PFDN1: variants seen among roughly 807,000 people sequenced by gnomAD.
PFDN1 encodes prefoldin 1.
Under a neutral mutation model 17.3 loss-of-function variants are expected in PFDN1, and 6 were observed. The observed-to-expected ratio is 0.35, with a 90% confidence interval of 0.19 to 0.69. PFDN1 has a LOEUF of 0.69. PFDN1 is among the 30% of genes least tolerant of loss of function. The probability of loss-of-function intolerance (pLI) is 0.65; values close to 1 mark genes in which losing one functional copy is unlikely to be tolerated. For missense variants in PFDN1, 113 were observed against 146.2 expected (o/e 0.77, Z 1.17); for synonymous variants, 58 against 50.1 (o/e 1.16, Z -0.67).
Position 140,254,003 on chromosome 5 carries a change from C to CA in PFDN1, c.286-7947dup, listed in dbSNP as rs1379986432. ...GTGACCCACACTGAAGTTTGAGACT[C>CA]AAACTTTTTGTTCTAAATCAGGAGT... is the stretch of plus-strand genomic sequence containing the variant. On this transcript the variant is annotated intron_variant, in intron 3 of 3. Transcript: ENST00000261813. The surrounding 1 kb of genome is among the most constrained non-coding windows in gnomAD (Gnocchi z 4.4). Among the ~76,000 whole-genome samples, 15 of 152,182 alleles carry CA rather than the reference C, an allele frequency of 9.9e-5. No individual in the cohort carries two copies. Among genetic ancestry groups the CA allele is most frequent in the African/African-American group, 3.6e-4 (15 of 41,446 alleles).
At position 140,245,917 on chromosome 5, in the gene PFDN1, C is replaced by A; in HGVS notation, c.*57G>T. 1.0e-6 allele frequency: 1 copy of A among 971,278 alleles called. No individual in the cohort carries two copies. The highest frequency in any genetic ancestry group is 1.6e-6 in the Non-Finnish European group (1 of 618,578). The allele number at this position is 971,278 out of a possible 1,614,324, so 60.2% of individuals were successfully genotyped here. On this transcript the variant is annotated 3_prime_UTR_variant, in exon 4 of 4. Transcript: ENST00000261813. ...GAGAAGCTGTTTCCCTGCAGACACT[C>A]CTCTGCCCCCACCAGGAATGGGAGG... is the stretch of plus-strand genomic sequence containing the variant.
chr5:140,293,905 T>C (rs1765615550), intron 2 of PFDN1, among the ~76,000 whole-genome samples: 1 of 152,058 alleles, frequency 6.6e-6, no homozygotes, highest in Non-Finnish European at 1.5e-5. Flanking sequence ...GGAAAAGATG[T>C]TGTTGTTTTC....
In PFDN1 at chr5:140,245,035, G is replaced by A. The variant is rs1261703931; in HGVS notation, c.*939C>T. The A allele has an allele frequency of 5.3e-6, 1 of 189,982 alleles. No individual in the cohort carries two copies. Among genetic ancestry groups the A allele is most frequent in the African/African-American group, 2.4e-5 (1 of 42,086 alleles). The allele number at this position is 189,982 out of a possible 1,614,324, so 11.8% of individuals were successfully genotyped here. On this transcript the variant is annotated 3_prime_UTR_variant, in exon 4 of 4. Transcript: ENST00000261813. Reference sequence around the variant, plus strand: ...CCTCACAGATCACAGTCAGTGCACAGATAGAGCACAGATCGTGGTCAAATG... The same window carrying A: ...CCTCACAGATCACAGTCAGTGCACAAATAGAGCACAGATCGTGGTCAAATG...
chr5:140,258,439 TTAAA>T (rs1197699671), intron 3 of PFDN1, among the ~76,000 whole-genome samples: 9 of 97,224 alleles, frequency 9.3e-5, no homozygotes, highest in Non-Finnish European at 1.9e-4. Flanking sequence ...AGCTGTACTG[TTAAA>T]AAAAAAAAAA....
At chr5:140,275,820 A>G (rs1022604565) in intron 3 of PFDN1, among the ~76,000 whole-genome samples, 1 of 152,172 alleles carries the variant, frequency 6.6e-6, no homozygotes, top group South Asian at 2.1e-4. Flanking sequence ...AGGGTGGGGA[A>G]GCATACTCGG....
At chr5:140,263,853 C>G (rs1765098006) in intron 3 of PFDN1, among the ~76,000 whole-genome samples, 1 of 151,466 alleles carries the variant, frequency 6.6e-6, no homozygotes, top group South Asian at 2.1e-4. Flanking sequence ...AACCCCGTCT[C>G]TACTAAAAAT....
intron 2 of PFDN1, among the ~76,000 whole-genome samples, chr5:140,295,941 C>T (rs923397153): frequency 2.6e-5 from 4 of 151,722 alleles, no homozygotes; most frequent in African/African-American, 9.7e-5. Flanking sequence ...ATAAAATAGC[C>T]TTTATTCTCT....
chr5:140,250,756 A>G (rs1442258884), intron 3 of PFDN1, among the ~76,000 whole-genome samples: 2 of 152,256 alleles, frequency 1.3e-5, no homozygotes, highest in Non-Finnish European at 2.9e-5. Context: ...CAACAGAAGA[A>G]GCAAAGGCAG....
At chr5:140,246,721 A>T (rs904990482) in intron 3 of PFDN1, among the ~76,000 whole-genome samples, 2 of 152,178 alleles carry the variant, frequency 1.3e-5, no homozygotes, top group Admixed American at 6.5e-5. Context: ...AAGAACTTTC[A>T]CTACTTTCAG....
At chr5:140,257,478 GCTGT>G (rs1171814734) in intron 3 of PFDN1, among the ~76,000 whole-genome samples, 1 of 152,160 alleles carries the variant, frequency 6.6e-6, no homozygotes, top group Non-Finnish European at 1.5e-5. Context: ...CTTTTAGGTG[GCTGT>G]CTGCTTCTTT....
At chr5:140,301,116 T>A (rs1765737967) in intron 1 of PFDN1, among the ~76,000 whole-genome samples, 1 of 152,188 alleles carries the variant, frequency 6.6e-6, no homozygotes, top group South Asian at 2.1e-4. Context: ...CCAAATGAGT[T>A]AAGAGATAAA....
chr5:140,255,760 T>A (rs1764976721), intron 3 of PFDN1, among the ~76,000 whole-genome samples: 1 of 152,178 alleles, frequency 6.6e-6, no homozygotes, highest in African/African-American at 2.4e-5. Flanking sequence ...ATCTTCTATT[T>A]CTTACTCTGC....
chr5:140,262,910 AC>A (rs1304081816), intron 3 of PFDN1, among the ~76,000 whole-genome samples: 1 of 152,192 alleles, frequency 6.6e-6, no homozygotes, highest in Non-Finnish European at 1.5e-5. Context: ...TAAAAAAAAA[AC>A]ACCTTTTATC....
intron 2 of PFDN1, chr5:140,293,157 G>A (rs891358523): frequency 1.3e-5 from 2 of 152,036 alleles, no homozygotes; most frequent in Non-Finnish European, 2.9e-5. Flanking sequence ...CAAGACTGCT[G>A]CTACCTTAAT....
intron 2 of PFDN1, among the ~76,000 whole-genome samples, chr5:140,282,690 G>A (rs973614723): frequency 6.6e-6 from 1 of 152,152 alleles, no homozygotes. Context: ...CACTGAAACT[G>A]TTTTATGACT....
At chr5:140,266,713 A>C (rs1765138395) in intron 3 of PFDN1, among the ~76,000 whole-genome samples, 1 of 152,284 alleles carries the variant, frequency 6.6e-6, no homozygotes, top group African/African-American at 2.4e-5. Context: ...ACACCTAAAA[A>C]TTTGCTCCTA....
At chr5:140,296,145 T>C (rs1395673594) in intron 2 of PFDN1, among the ~76,000 whole-genome samples, 2 of 152,328 alleles carry the variant, frequency 1.3e-5, no homozygotes, top group Non-Finnish European at 2.9e-5. Context: ...TCAAAATATA[T>C]GTTACTTTTA....
chr5:140,296,689 G>T (rs1355625549), intron 2 of PFDN1, among the ~76,000 whole-genome samples: 2 of 152,168 alleles, frequency 1.3e-5, no homozygotes, highest in African/African-American at 4.8e-5. Flanking sequence ...GCAAGGGTAG[G>T]ATAACAATTT....
chr5:140,282,352 A>G (rs574107107), intron 2 of PFDN1, among the ~76,000 whole-genome samples: 23 of 151,892 alleles, frequency 1.5e-4, no homozygotes, highest in Admixed American at 1.4e-3. Flanking sequence ...ATCTGTTTCA[A>G]TTTTTATCTA....
Sources: gnomAD v4.1 joint callset for allele counts (sites outside exome capture counted in the v4.1 genomes callset) on GRCh38, gnomAD v4.1.1 for gene constraint, Gnocchi (gnomAD v3.1) non-coding constraint, MANE v1.5 for transcripts, NCBI Gene and HGNC (gene_info 2026-07-23, HGNC 2026-07-21) for gene names.